Variants in CALN1 observed in about 807,000 individuals in gnomAD.
The protein encoded by CALN1 is calneuron 1.
CALN1 carries 17 observed loss-of-function variants against 30.6 expected under a neutral mutation model. The ratio of observed to expected loss-of-function variants is 0.56; its 90% confidence interval spans 0.38 to 0.83. The LOEUF (loss-of-function observed/expected upper bound fraction) is 0.83. Ranked by LOEUF, CALN1 falls within the 40% of genes least tolerant of loss-of-function variation. CALN1 has a pLI of 0.00. For missense variants in CALN1, 291 were observed against 354.9 expected (o/e 0.82, Z 1.45); for synonymous variants, 156 against 131.4 (o/e 1.19, Z -1.28).
chr7:72,153,521 TAA>T (rs372104313), intron 3 of CALN1, among the ~76,000 whole-genome samples: 53 of 142,944 alleles, frequency 3.7e-4, no homozygotes, highest in Middle Eastern at 3.5e-3. Flanking sequence ...TCTACAAAAT[TAA>T]AAAAAAAAAA....
At chr7:72,077,442 T>G (rs1475408300) in intron 4 of CALN1, among the ~76,000 whole-genome samples, 3 of 152,084 alleles carry the variant, frequency 2.0e-5, no homozygotes, top group Admixed American at 6.5e-5. Context: ...CCCAGCTAAT[T>G]TTTGTATTTT....
chr7:72,359,695 G>A (rs1803445158), intron 2 of CALN1, among the ~76,000 whole-genome samples: 1 of 151,998 alleles, frequency 6.6e-6, no homozygotes, highest in Non-Finnish European at 1.5e-5. Flanking sequence ...CTGGATTGGG[G>A]CCGGGAAAGA....
chr7:72,316,003 T>C (rs1338216975), intron 2 of CALN1, among the ~76,000 whole-genome samples: 1 of 151,632 alleles, frequency 6.6e-6, no homozygotes, highest in Non-Finnish European at 1.5e-5. Flanking sequence ...ATACAAAAAC[T>C]AGCCAGGCAT....
intron 2 of CALN1, among the ~76,000 whole-genome samples, chr7:72,402,093 T>C (rs1806379903): frequency 1.3e-5 from 2 of 152,204 alleles, no homozygotes. Flanking sequence ...GAGCCTGCCC[T>C]TCAGCATTTG....
chr7:72,406,648 G>C (rs903953218), intron 1 of CALN1, among the ~76,000 whole-genome samples: 1 of 141,084 alleles, frequency 7.1e-6, no homozygotes, highest in Non-Finnish European at 1.5e-5. Context: ...ACGGAGTCTT[G>C]TTCTGTCACC....
chr7:72,372,889 T>A (rs1333587819), intron 2 of CALN1, among the ~76,000 whole-genome samples: 1 of 152,120 alleles, frequency 6.6e-6, no homozygotes, highest in African/African-American at 2.4e-5. Context: ...AATCCAAATA[T>A]GTTTGGGTGA....
intron 2 of CALN1, among the ~76,000 whole-genome samples, chr7:72,400,445 TTGA>T (rs1176601115): frequency 6.6e-6 from 1 of 152,238 alleles, no homozygotes; most frequent in African/African-American, 2.4e-5. Flanking sequence ...TTCTAGGTCC[TTGA>T]TGATGAGCTA....
At chr7:72,352,060 C>T (rs1802949097) in intron 2 of CALN1, among the ~76,000 whole-genome samples, 1 of 152,128 alleles carries the variant, frequency 6.6e-6, no homozygotes, top group South Asian at 2.1e-4. Context: ...AGGCAGATCA[C>T]TTGAGGTCAG....
chr7:72,292,448 A>T (rs1441376125), intron 2 of CALN1, among the ~76,000 whole-genome samples: 1 of 147,714 alleles, frequency 6.8e-6, no homozygotes, highest in East Asian at 2.2e-4. Flanking sequence ...GGCCTTTGAG[A>T]GGTGATTGGG....
At chr7:71,961,878 G>A (rs576932687) in intron 5 of CALN1, among the ~76,000 whole-genome samples, 2 of 152,214 alleles carry the variant, frequency 1.3e-5, no homozygotes, top group South Asian at 2.1e-4. Context: ...ATTTCCCGCT[G>A]AGTGGCACCT....
At chr7:71,989,497 A>C (rs1228566067) in intron 5 of CALN1, among the ~76,000 whole-genome samples, 2 of 152,042 alleles carry the variant, frequency 1.3e-5, no homozygotes, top group Non-Finnish European at 2.9e-5. Context: ...ATTTCCACTA[A>C]TTCAGCTATG....
At chr7:71,814,951 A>G (rs1014144339) in intron 5 of CALN1, among the ~76,000 whole-genome samples, 2 of 151,290 alleles carry the variant, frequency 1.3e-5, no homozygotes, top group South Asian at 4.2e-4. Context: ...CTCCTGCCTC[A>G]GCCTCCTGAG....
intron 4 of CALN1, among the ~76,000 whole-genome samples, chr7:72,075,348 A>C (rs904577125): frequency 6.6e-6 from 1 of 152,262 alleles, no homozygotes; most frequent in Admixed American, 6.5e-5. Flanking sequence ...TCAAGTTGAC[A>C]CATAAGATTA....
At chr7:72,094,657 G>A (rs1806097069) in intron 4 of CALN1, among the ~76,000 whole-genome samples, 1 of 152,134 alleles carries the variant, frequency 6.6e-6, no homozygotes, top group Non-Finnish European at 1.5e-5. Context: ...GTGTTAATAA[G>A]ATGGAGATGG....
At chr7:71,886,624 T>C (rs1054800939) in intron 5 of CALN1, among the ~76,000 whole-genome samples, 3 of 151,900 alleles carry the variant, frequency 2.0e-5, no homozygotes, top group Non-Finnish European at 4.4e-5. Flanking sequence ...AATACAAAAA[T>C]TAGCCAGGCT....
chr7:72,474,837 G>A, the CALN1 span, among the ~76,000 whole-genome samples: 1 of 152,204 alleles, frequency 6.6e-6, no homozygotes, highest in Non-Finnish European at 1.5e-5. Flanking sequence ...ACGTGGGGCT[G>A]TGCAGTCCCT....
intron 2 of CALN1, among the ~76,000 whole-genome samples, chr7:72,299,794 C>A (rs1799130020): frequency 6.6e-6 from 1 of 151,800 alleles, no homozygotes. Flanking sequence ...CTCGACCTCC[C>A]AAAGTGCTAG....
chr7:72,279,803 G>A (rs1214688191), intron 2 of CALN1, among the ~76,000 whole-genome samples: 3 of 152,200 alleles, frequency 2.0e-5, no homozygotes, highest in African/African-American at 7.2e-5. Flanking sequence ...ACAAGACGCC[G>A]AATGCTTCAC....
chr7:72,451,652 T>G (rs1389151237), upstream of CALN1, among the ~76,000 whole-genome samples: 6 of 152,018 alleles, frequency 3.9e-5, no homozygotes, highest in African/African-American at 1.4e-4. Flanking sequence ...CTGCCTAAGG[T>G]TCACCATTGG....
Sources: gnomAD v4.1 joint callset for allele counts (sites outside exome capture counted in the v4.1 genomes callset) on GRCh38, gnomAD v4.1.1 for gene constraint, MANE v1.5 for transcripts, NCBI Gene and HGNC (gene_info 2026-07-23, HGNC 2026-07-21) for gene names.